CUX2: variants seen among roughly 807,000 people sequenced by gnomAD.
CUX2 encodes the protein cut like homeobox 2.
In CUX2, 40 loss-of-function variants were observed where a neutral mutation model predicts 144.8. The observed-to-expected ratio is 0.28, with a 90% CI of 0.21 to 0.36. The LOEUF (loss-of-function observed/expected upper bound fraction) is 0.36. Among genes scored for constraint, CUX2 ranks in the 10% least tolerant of loss-of-function variants. The pLI, the probability that CUX2 is intolerant of heterozygous loss-of-function variation, is 1.00. For missense variants in CUX2, 1,615 were observed against 1,994.0 expected (o/e 0.81, Z 3.62); for synonymous variants, 827 against 875.6 (o/e 0.94, Z 0.98).
chr12:111,258,911 G>C lies in CUX2; in HGVS notation c.223-4850G>C, dbSNP rs187553948. Among the ~76,000 whole-genome samples, 43 of 152,210 alleles carry C rather than the reference G, an allele frequency of 2.8e-4. 1 individual carries two copies. Among genetic ancestry groups the C allele is most frequent in the Middle Eastern group, 3.4e-3 (1 of 294 alleles). ...GGGTCTTTTTCTGTTGTCCAGGCTA[G>C]AGTGCAGTGACACAAGTGCACTTAG... is the stretch of plus-strand genomic sequence containing the variant. On this transcript the variant is annotated intron_variant, in intron 3 of 21. Transcript: ENST00000261726.
At chr12:111,224,586 TCTCA>T (rs1277747678) in intron 3 of CUX2, among the ~76,000 whole-genome samples, 2 of 148,286 alleles carry the variant, frequency 1.3e-5, no homozygotes, top group Admixed American at 6.7e-5. Flanking sequence ...GGCATAATTC[TCTCA>T]CTCCCTAAAC....
At chr12:111,170,542 C>CTT (rs1878454117) in intron 1 of CUX2, among the ~76,000 whole-genome samples, 2 of 130,222 alleles carry the variant, frequency 1.5e-5, no homozygotes, top group African/African-American at 6.1e-5. Context: ...ACCCCCAGCT[C>CTT]TTCTTTTTTT....
chr12:111,153,643 A>G (rs1566257892), intron 1 of CUX2, among the ~76,000 whole-genome samples: 1 of 152,208 alleles, frequency 6.6e-6, no homozygotes, highest in Non-Finnish European at 1.5e-5. Flanking sequence ...GCAAAATGTC[A>G]TTATGTGGTA....
At chr12:111,132,300 A>G (rs1033105773) in intron 1 of CUX2, among the ~76,000 whole-genome samples, 5 of 152,292 alleles carry the variant, frequency 3.3e-5, no homozygotes, top group East Asian at 3.9e-4. Flanking sequence ...GGCTGCACAC[A>G]GCATGGGGAC....
At chr12:111,055,677 C>T (rs1252881532) in intron 1 of CUX2, among the ~76,000 whole-genome samples, 5 of 152,214 alleles carry the variant, frequency 3.3e-5, no homozygotes, top group Admixed American at 2.6e-4. Flanking sequence ...GCCCCCCTTC[C>T]CCCAGCCCCC....
rs1158140318 is a variant in CUX2, at chr12:111,160,419, G to C, written c.64-53781G>C. On this transcript the variant is annotated intron_variant, in intron 1 of 21. Transcript: ENST00000261726. The surrounding 1 kb of genome is among the most constrained non-coding windows in gnomAD (Gnocchi z 4.1). ...TGGGCGTATTCGGGACGTGTGTGTA[G>C]TGCAGGGTGTGTGTGAGTGTGTCTG... Among the ~76,000 whole-genome samples the C allele has an allele frequency of 6.6e-6, 1 of 152,168 alleles. No individual in the cohort carries two copies. The highest frequency in any genetic ancestry group is 2.4e-5 in the African/African-American group (1 of 41,440).
intron 4 of CUX2, among the ~76,000 whole-genome samples, chr12:111,285,332 GATTC>G (rs1442848452): frequency 1.3e-5 from 2 of 152,268 alleles, no homozygotes; most frequent in East Asian, 3.9e-4. Context: ...CCGGCTGAGG[GATTC>G]ATTCAAATTC....
intron 4 of CUX2, among the ~76,000 whole-genome samples, chr12:111,267,551 G>A (rs1367535958): frequency 2.0e-5 from 3 of 152,198 alleles, no homozygotes; most frequent in East Asian, 1.9e-4. Context: ...CTGGCTGCAC[G>A]TGGAAGGCTG....
At chr12:111,239,573 C>T (rs1364178663) in intron 3 of CUX2, among the ~76,000 whole-genome samples, 1 of 152,220 alleles carries the variant, frequency 6.6e-6, no homozygotes, top group Non-Finnish European at 1.5e-5. Flanking sequence ...TTGTACCTGG[C>T]TGTAGGGATG....
rs1871117357 is a variant in CUX2, at chr12:111,068,594, A to G, written c.63+34354A>G. Among the ~76,000 whole-genome samples the G allele has an allele frequency of 6.6e-6, 1 of 152,182 alleles. No homozygotes were observed. Among genetic ancestry groups the G allele is most frequent in the Non-Finnish European group, 1.5e-5 (1 of 68,030 alleles). ...GGAGATGAAAAGCGATGCTGGTTTG[A>G]GCAGCTGGTGTTTTCTCCTGTGTTC... is the stretch of plus-strand genomic sequence containing the variant. On this transcript the variant is annotated intron_variant, in intron 1 of 21. Transcript: ENST00000261726. This position sits in a 1 kb window ranked among gnomAD's most constrained non-coding sequence, Gnocchi z 4.9.
intron 4 of CUX2, among the ~76,000 whole-genome samples, chr12:111,264,779 C>G (rs1002534216): frequency 2.4e-4 from 36 of 152,118 alleles, no homozygotes; most frequent in African/African-American, 8.7e-4. Flanking sequence ...GTGATATGTG[C>G]TTCAGTGAAG....
chr12:111,099,175 C>G (rs972458777), intron 1 of CUX2, among the ~76,000 whole-genome samples: 1 of 152,220 alleles, frequency 6.6e-6, no homozygotes. Context: ...AAGCTCAGAC[C>G]TGAAGGGCGA....
Position 111,348,133 on chromosome 12 carries a change from C to G in CUX2, c.4269C>G (p.Ser1423=). ...CCTCCTCAGCTCCCATCTCCCCATC[C>G]CCACCTGGCGCCCCCCCTGCCAAAG... ...VPSSSAPISP[S]PPGAPPAKVP... is the part of the protein sequence containing the mutation. The change falls in exon 22 of 22, where the codon TCC becomes TCG. Residue 1423 remains serine, a synonymous_variant. Transcript: ENST00000261726. The G allele has an allele frequency of 1.2e-6, 2 of 1,614,134 alleles. No individual in the cohort carries two copies. Among genetic ancestry groups the G allele is most frequent in the Non-Finnish European group, 1.7e-6 (2 of 1,179,986 alleles).
chr12:111,068,268 C>T lies in CUX2; in HGVS notation c.63+34028C>T, dbSNP rs1871103430. Among the ~76,000 whole-genome samples, 1 of 152,234 alleles carries T rather than the reference C, an allele frequency of 6.6e-6. No individual in the cohort carries two copies. Among genetic ancestry groups the T allele is most frequent in the Admixed American group, 6.5e-5 (1 of 15,290 alleles). On this transcript the variant is annotated intron_variant, in intron 1 of 21. Transcript: ENST00000261726. This position sits in a 1 kb window ranked among gnomAD's most constrained non-coding sequence, Gnocchi z 4.9. ...CGGAGTTGCCCTCCCCACTTTCCCTCTTCCTTTTCTTTCTTTCTTGGATTT... is the reference window on the plus strand; with the variant it reads ...CGGAGTTGCCCTCCCCACTTTCCCTTTTCCTTTTCTTTCTTTCTTGGATTT...
intron 3 of CUX2, among the ~76,000 whole-genome samples, chr12:111,219,750 G>A (rs774873755): frequency 1.3e-5 from 2 of 152,188 alleles, no homozygotes; most frequent in Non-Finnish European, 2.9e-5. Flanking sequence ...GCCAGCCTGG[G>A]TTGGAATCCC....
intron 3 of CUX2, among the ~76,000 whole-genome samples, chr12:111,252,436 C>T (rs888622217): frequency 2.0e-5 from 3 of 152,156 alleles, no homozygotes; most frequent in African/African-American, 7.2e-5. Flanking sequence ...TTTGCTTCCT[C>T]AAGACAAGTG....
intron 1 of CUX2, among the ~76,000 whole-genome samples, chr12:111,095,804 A>G (rs922739252): frequency 3.3e-5 from 5 of 152,258 alleles, no homozygotes; most frequent in African/African-American, 1.2e-4. Flanking sequence ...CGAAACTCAC[A>G]GCCTCCATTT....
intron 3 of CUX2, among the ~76,000 whole-genome samples, chr12:111,237,646 C>G (rs1176335090): frequency 6.6e-6 from 1 of 152,196 alleles, no homozygotes; most frequent in African/African-American, 2.4e-5. Flanking sequence ...TGTTTAAAAC[C>G]TCTGGGAACT....
chr12:111,176,039 C>CT (rs1172563784), intron 1 of CUX2, among the ~76,000 whole-genome samples: 1,825 of 70,210 alleles, frequency 0.026, 46 homozygotes, highest in Non-Finnish European at 0.031. Context: ...TCTTCTTCTT[C>CT]TTTTTTTTTT....
Sources: allele counts gnomAD v4.1 joint callset (sites outside exome capture counted in the v4.1 genomes callset), GRCh38; gene constraint gnomAD v4.1.1; non-coding constraint Gnocchi (gnomAD v3.1); transcripts MANE v1.5; gene names NCBI Gene and HGNC (gene_info 2026-07-23, HGNC 2026-07-21).